The following STK3 variants were observed in gnomAD, a reference collection of about 807,000 sequenced individuals.
STK3 encodes serine/threonine-protein kinase 3.
A neutral mutation model predicts 58.0 loss-of-function variants in STK3; 41 were observed. The ratio of observed to expected loss-of-function variants is 0.71; its 90% CI spans 0.55 to 0.92. The LOEUF (loss-of-function observed/expected upper bound fraction) is 0.92, where lower values mean the gene tolerates loss of function less well. Ranked by LOEUF, STK3 falls within the 40% of genes least tolerant of loss-of-function variation. The pLI, the probability that STK3 is intolerant of heterozygous loss-of-function variation, is 0.00. For missense variants in STK3, 479 were observed against 602.7 expected, an observed-to-expected ratio of 0.79 and a Z score of 2.15; for synonymous variants, 170 against 191.0, an observed-to-expected ratio of 0.89 and a Z score of 0.91.
intron 8 of STK3, among the ~76,000 whole-genome samples, chr8:98,557,347 T>TA (rs1402528355): frequency 6.6e-6 from 1 of 152,108 alleles, no homozygotes; most frequent in African/African-American, 2.4e-5. Flanking sequence ...CTCTTTCCTA[T>TA]AGCAAGGTGA....
At chr8:98,442,534 A>G (rs1019580479) in intron 1 of STK3, among the ~76,000 whole-genome samples, 2 of 152,166 alleles carry the variant, frequency 1.3e-5, no homozygotes, top group African/African-American at 4.8e-5. Flanking sequence ...GTGTAGGAAT[A>G]AGGACAGAGC....
intron 10 of STK3, among the ~76,000 whole-genome samples, chr8:98,462,227 G>A (rs983013790): frequency 6.6e-5 from 10 of 151,956 alleles, no homozygotes; most frequent in African/African-American, 1.4e-4. Flanking sequence ...ACTCTGTCAC[G>A]CAAGCTGGAG....
At chr8:98,709,203 A>G (rs1826203196) in intron 4 of STK3, among the ~76,000 whole-genome samples, 1 of 152,190 alleles carries the variant, frequency 6.6e-6, no homozygotes. Flanking sequence ...AATGTCTGTG[A>G]AAATTGCTAT....
intron 8 of STK3, among the ~76,000 whole-genome samples, chr8:98,573,059 A>G (rs1813091405): frequency 6.6e-6 from 1 of 152,206 alleles, no homozygotes; most frequent in South Asian, 2.1e-4. Context: ...GAAACTAAGC[A>G]GTGGGCAGAA....
chr8:98,764,337 C>T (rs910933337), intron 3 of STK3, among the ~76,000 whole-genome samples: 2 of 152,112 alleles, frequency 1.3e-5, no homozygotes, highest in Non-Finnish European at 2.9e-5. Flanking sequence ...CCTTGTACTC[C>T]TCATACATAC....
chr8:98,662,276 C>G (rs1486028258), intron 6 of STK3, among the ~76,000 whole-genome samples: 1 of 152,048 alleles, frequency 6.6e-6, no homozygotes, highest in Non-Finnish European at 1.5e-5. Context: ...AATCGATATA[C>G]TAATGTAATT....
intron 6 of STK3, among the ~76,000 whole-genome samples, chr8:98,615,116 G>T (rs2130279861): frequency 6.6e-6 from 1 of 152,036 alleles, no homozygotes; most frequent in South Asian, 2.1e-4. Flanking sequence ...GGAGATCTGA[G>T]AACGGGCAGA....
chr8:98,831,374 T>A (rs1374563487), intron 3 of STK3, among the ~76,000 whole-genome samples: 1 of 152,164 alleles, frequency 6.6e-6, no homozygotes, highest in Non-Finnish European at 1.5e-5. Context: ...TGCCTCAGCC[T>A]CCCAAGTAGC....
At chr8:98,658,933 T>C (rs1268788168) in intron 6 of STK3, among the ~76,000 whole-genome samples, 1 of 152,098 alleles carries the variant, frequency 6.6e-6, no homozygotes, top group Non-Finnish European at 1.5e-5. Flanking sequence ...ATGCGCTGCA[T>C]TAACAACTGC....
chr8:98,697,576 TC>T (rs1045721517), intron 6 of STK3, among the ~76,000 whole-genome samples: 1 of 152,226 alleles, frequency 6.6e-6, no homozygotes, highest in Admixed American at 6.5e-5. Flanking sequence ...ATCATTGGTT[TC>T]AAAGAACATC....
intron 8 of STK3, among the ~76,000 whole-genome samples, chr8:98,559,083 T>C (rs1811814006): frequency 6.6e-6 from 1 of 152,146 alleles, no homozygotes; most frequent in Non-Finnish European, 1.5e-5. Flanking sequence ...TAAGCATTGC[T>C]GAAGAAATAC....
At chr8:98,875,367 T>G (rs550772201) in intron 3 of STK3, 24 of 152,240 alleles carry the variant, frequency 1.6e-4, no homozygotes, top group Admixed American at 1.6e-3. Flanking sequence ...CATCCCCAAC[T>G]GCCTGTTGTC....
intron 1 of STK3, among the ~76,000 whole-genome samples, chr8:98,900,075 CTATT>C (rs1227925510): frequency 6.6e-6 from 1 of 152,040 alleles, no homozygotes; most frequent in South Asian, 2.1e-4. Context: ...TTCCAGTCTG[CTATT>C]TATTTATTTA....
chr8:98,759,591 G>A (rs1317997328), intron 3 of STK3, among the ~76,000 whole-genome samples: 2 of 151,922 alleles, frequency 1.3e-5, no homozygotes, highest in Non-Finnish European at 2.9e-5. Context: ...TTGGAAAAAT[G>A]GTGCTGACGG....
intron 6 of STK3, chr8:98,633,686 T>TACAAATCTA: frequency 8.6e-6 from 6 of 694,672 alleles, no homozygotes; most frequent in Non-Finnish European, 1.6e-5. Flanking sequence ...TGTACAAGGT[T>TACAAATCTA]AGAGAATACA....
At position 98,903,556 on chromosome 8, in the gene STK3, C is replaced by CTTCTTCTTCTTCTT. The variant is rs200556218; in HGVS notation, c.-78-19723_-78-19722insAAGAAGAAGAAGAA. Among the ~76,000 whole-genome samples, 265 of 50,512 alleles carry CTTCTTCTTCTTCTT rather than the reference C, an allele frequency of 5.2e-3. 10 individuals carry two copies. The highest frequency in any genetic ancestry group is 0.01 in the Middle Eastern group (1 of 96). The allele number at this position is 50,512 out of a possible 152,430, so 33.1% of individuals were successfully genotyped here. On this transcript the variant is annotated intron_variant, in intron 1 of 1. Transcript: ENST00000519420. ...TCTTCTTCTTCTTCTTCTTCTTCTT[C>CTTCTTCTTCTTCTT]CTTTTTTTTTTTTTAAGTGGGGCCT...
intron 1 of STK3, among the ~76,000 whole-genome samples, chr8:98,935,049 G>A (rs1441371063): frequency 6.6e-6 from 1 of 151,970 alleles, no homozygotes; most frequent in Non-Finnish European, 1.5e-5. Context: ...AGTAATAGAA[G>A]TCTGAATTTA....
At chr8:98,449,858 A>G (rs549702267), downstream of STK3, among the ~76,000 whole-genome samples, 1 of 152,190 alleles carries the variant, frequency 6.6e-6, no homozygotes, top group African/African-American at 2.4e-5. Flanking sequence ...CTAAAGAAAG[A>G]TGTCCTCTCA....
intron 3 of STK3, among the ~76,000 whole-genome samples, chr8:98,756,831 A>G (rs1360580781): frequency 6.6e-6 from 1 of 152,136 alleles, no homozygotes; most frequent in African/African-American, 2.4e-5. Context: ...AACCACCTCT[A>G]TGGTTACACT....
Sources: gnomAD v4.1 joint callset for allele counts (sites outside exome capture counted in the v4.1 genomes callset) on GRCh38, gnomAD v4.1.1 for gene constraint, MANE v1.5 for transcripts, NCBI Gene and HGNC (gene_info 2026-07-23, HGNC 2026-07-21) for gene names.